ZNF521: variants seen among roughly 807,000 people sequenced by gnomAD.
The protein encoded by ZNF521 is LYST-interacting protein 3.
Under a neutral mutation model 105.5 loss-of-function variants are expected in ZNF521, and 14 were observed. That is an observed-to-expected ratio of 0.13 (90% CI 0.09 to 0.21). The LOEUF is 0.21. ZNF521 is among the 10% of genes least tolerant of loss of function. The pLI is 1.00. For synonymous variants in ZNF521, 635 were observed against 606.0 expected (o/e 1.05, Z -0.70); for missense variants, 1,233 against 1,629.7 (o/e 0.76, Z 4.19).
intron 4 of ZNF521, among the ~76,000 whole-genome samples, chr18:25,210,265 C>A (rs1453745621): frequency 6.6e-6 from 1 of 152,066 alleles, no homozygotes. Flanking sequence ...GAAACTGAAG[C>A]TTAGGAAGGA....
chr18:25,339,294 C>T (rs1399368554), intron 2 of ZNF521, among the ~76,000 whole-genome samples: 3 of 152,204 alleles, frequency 2.0e-5, no homozygotes, highest in Non-Finnish European at 2.9e-5. Flanking sequence ...GAACCTGACA[C>T]ATACTTGGTG....
chr18:25,195,643 T>A (rs1042672734), intron 4 of ZNF521, among the ~76,000 whole-genome samples: 3 of 151,724 alleles, frequency 2.0e-5, no homozygotes, highest in African/African-American at 7.2e-5. Flanking sequence ...CTGACCAACA[T>A]AACTGGGGTG....
chr18:25,293,246 C>G (rs961211965), intron 3 of ZNF521, among the ~76,000 whole-genome samples: 2 of 152,114 alleles, frequency 1.3e-5, no homozygotes, highest in African/African-American at 2.4e-5. Context: ...TATCTTCTAT[C>G]ACACAGAGAT....
chr18:25,148,725 C>T (rs1419306830), intron 5 of ZNF521, among the ~76,000 whole-genome samples: 1 of 151,840 alleles, frequency 6.6e-6, no homozygotes, highest in Non-Finnish European at 1.5e-5. Flanking sequence ...GATTGGTTTT[C>T]AGAGCATTCG....
At chr18:25,245,922 G>A (rs762372331) in intron 3 of ZNF521, among the ~76,000 whole-genome samples, 4 of 152,124 alleles carry the variant, frequency 2.6e-5, no homozygotes, top group African/African-American at 4.8e-5. Flanking sequence ...TGAGGCAAGA[G>A]GATTGCTTGA....
At chr18:25,306,641 A>G (rs1283664253) in intron 3 of ZNF521, among the ~76,000 whole-genome samples, 4 of 152,172 alleles carry the variant, frequency 2.6e-5, no homozygotes, top group African/African-American at 9.7e-5. Context: ...GCCTTTACAG[A>G]TAAGATTTGT....
chr18:25,145,739 T>A (rs903604683), intron 5 of ZNF521, among the ~76,000 whole-genome samples: 3 of 152,192 alleles, frequency 2.0e-5, no homozygotes, highest in Non-Finnish European at 2.9e-5. Flanking sequence ...CTTCTACCTA[T>A]TCAAAACACA....
At chr18:25,218,482 TAAAAAAAAA>T (rs35500329) in intron 4 of ZNF521, among the ~76,000 whole-genome samples, 3 of 79,876 alleles carry the variant, frequency 3.8e-5, no homozygotes, top group Admixed American at 3.0e-4. Context: ...TCGAGCCTAC[TAAAAAAAAA>T]AAAAAAAAAA....
chr18:25,141,282 A>C (rs1199565011), intron 5 of ZNF521, among the ~76,000 whole-genome samples: 1 of 152,170 alleles, frequency 6.6e-6, no homozygotes, highest in African/African-American at 2.4e-5. Context: ...TCATGAAAAA[A>C]GTTAAGAAAA....
intron 3 of ZNF521, among the ~76,000 whole-genome samples, chr18:25,289,573 T>C (rs1421698201): frequency 6.6e-6 from 1 of 152,230 alleles, no homozygotes; most frequent in Non-Finnish European, 1.5e-5. Context: ...TAGTAATTTT[T>C]CTACAAAATG....
chr18:25,089,029 G>A (rs2033687045), intron 7 of ZNF521, among the ~76,000 whole-genome samples: 2 of 152,200 alleles, frequency 1.3e-5, no homozygotes, highest in South Asian at 4.1e-4. Context: ...TACTGGACAA[G>A]AGTACGATTT....
intron 3 of ZNF521, among the ~76,000 whole-genome samples, chr18:25,258,143 A>G (rs1908650180): frequency 6.6e-6 from 1 of 152,220 alleles, no homozygotes; most frequent in Non-Finnish European, 1.5e-5. Flanking sequence ...AAGAATAATA[A>G]TATTAAAAGG....
At chr18:25,106,078 TCTGA>T (rs2034067346) in intron 5 of ZNF521, among the ~76,000 whole-genome samples, 1 of 152,172 alleles carries the variant, frequency 6.6e-6, no homozygotes, top group Non-Finnish European at 1.5e-5. Flanking sequence ...CATTAAAAAA[TCTGA>T]CTAATTCATG....
intron 3 of ZNF521, among the ~76,000 whole-genome samples, chr18:25,299,355 A>G (rs775565999): frequency 6.6e-6 from 1 of 152,248 alleles, no homozygotes; most frequent in Admixed American, 6.5e-5. Flanking sequence ...GAACAAGACA[A>G]CTATCTAAGA....
chr18:25,104,605 T>C (rs750811043), intron 5 of ZNF521, among the ~76,000 whole-genome samples: 26 of 152,226 alleles, frequency 1.7e-4, no homozygotes, highest in Non-Finnish European at 3.8e-4. Flanking sequence ...TAGCAATGTT[T>C]GGTTCCTTAA....
chr18:25,144,099 T>C (rs562398758), intron 5 of ZNF521, among the ~76,000 whole-genome samples: 10 of 152,290 alleles, frequency 6.6e-5, no homozygotes, highest in African/African-American at 2.4e-4. Context: ...GGTTTGTTAA[T>C]AGAAAAGGCA....
intron 2 of ZNF521, among the ~76,000 whole-genome samples, chr18:25,346,405 G>A (rs1450890469): frequency 6.6e-6 from 1 of 151,966 alleles, no homozygotes; most frequent in Non-Finnish European, 1.5e-5. Flanking sequence ...AAATTTCAGG[G>A]CCAGTACAAG....
chr18:25,111,025 A>G (rs567783476), intron 5 of ZNF521, among the ~76,000 whole-genome samples: 2 of 151,904 alleles, frequency 1.3e-5, no homozygotes, highest in Admixed American at 6.6e-5. Flanking sequence ...AGCCTCCCGA[A>G]GTGCTGGAAT....
Position 25,062,752 on chromosome 18 carries a change from C to CAAATAAA in ZNF521, c.3907-12_3907-11insTTTATTT. On this transcript the variant is annotated splice_polypyrimidine_tract_variant and intron_variant, in intron 7 of 7. Coordinates refer to ENST00000361524, the MANE Select transcript of ZNF521 (RefSeq NM_015461.3). ...GGTCATTGTATGATTCTGTAAATAA[C>CAAATAAA]AAAAAAAAAAAAAAAAAAAAAAAAA... The CAAATAAA allele has an allele frequency of 5.6e-6, 2 of 359,496 alleles. No homozygotes were observed. The highest frequency in any genetic ancestry group is 8.5e-6 in the Non-Finnish European group (2 of 234,470). 22.3% of individuals were successfully genotyped at this position (359,496 alleles called of 1,614,324 possible).
Sources: allele counts gnomAD v4.1 joint callset (sites outside exome capture counted in the v4.1 genomes callset), GRCh38; gene constraint gnomAD v4.1.1; transcripts MANE v1.5; gene names NCBI Gene and HGNC (gene_info 2026-07-23, HGNC 2026-07-21).